Variants in NOC3L observed in about 807,000 individuals in gnomAD.
NOC3L encodes the protein NOC3 like DNA replication regulator, also known as nucleolar complex protein 3 homolog.
A neutral mutation model predicts 102.5 loss-of-function variants in NOC3L; 85 were observed. The observed-to-expected ratio is 0.83, with a 90% CI of 0.70 to 0.99. The LOEUF (loss-of-function observed/expected upper bound fraction) is 0.99. Ranked by LOEUF, NOC3L falls within the 50% of genes least tolerant of loss-of-function variation. The pLI, the probability that NOC3L is intolerant of heterozygous loss-of-function variation, is 0.00. For missense variants in NOC3L, 878 were observed against 914.9 expected, an observed-to-expected ratio of 0.96 and a Z score of 0.52; for synonymous variants, 303 against 309.4, an observed-to-expected ratio of 0.98 and a Z score of 0.22.
chr10:94,328,183 C>T, the NOC3L span: 2 of 297,154 alleles, frequency 6.7e-6, no homozygotes, highest in Non-Finnish European at 1.4e-5. Flanking sequence ...TAAATGTCAG[C>T]AGTTGGAAAA....
At chr10:94,342,602 A>G (rs1435356803) in intron 13 of NOC3L, among the ~76,000 whole-genome samples, 2 of 151,828 alleles carry the variant, frequency 1.3e-5, no homozygotes, top group African/African-American at 2.4e-5. Context: ...AAGTATTCCC[A>G]GTGCAAATAG....
At chr10:94,330,226 C>A (rs1171826088), downstream of NOC3L, 1 of 152,218 alleles carries the variant, frequency 6.6e-6, no homozygotes, top group Non-Finnish European at 1.5e-5. Context: ...CAACATAAAT[C>A]TGAGACTGAA....
intron 2 of NOC3L, among the ~76,000 whole-genome samples, chr10:94,359,775 C>T (rs2054531606): frequency 6.6e-6 from 1 of 152,070 alleles, no homozygotes; most frequent in African/African-American, 2.4e-5. Flanking sequence ...AGGGAACTCT[C>T]ATACACTCTT....
At chr10:94,344,632 G>T in intron 12 of NOC3L, 117 bp from the exon 13 acceptor site, 1 of 718,790 alleles carries the variant, frequency 1.4e-6, no homozygotes, top group East Asian at 2.7e-5. Context: ...TCCCCACAAT[G>T]CAATCTTTGA....
rs1305310718 is a variant in NOC3L at position 94,338,641 on chromosome 10, C to T, written c.2058G>A (p.Gln686=). Residue 686 remains glutamine, a synonymous_variant, in exon 18 of 21, where the codon CAG becomes CAA. Coordinates refer to ENST00000371361, the MANE Select transcript of NOC3L (RefSeq NM_022451.11). ...ELDEPEYCNA[Q]NTALWELHAL... Reference sequence around the variant, plus strand: ...CATGCAGTTCCCACAGAGCAGTGTTCTGAGCATTGCAGTACTCAGGCTCAT... The same window carrying T: ...CATGCAGTTCCCACAGAGCAGTGTTTTGAGCATTGCAGTACTCAGGCTCAT... The T allele has an allele frequency of 8.7e-6, 14 of 1,608,522 alleles. No homozygotes were observed. Among genetic ancestry groups the T allele is most frequent in the Admixed American group, 1.7e-5 (1 of 59,838 alleles).
intron 5 of NOC3L, 83 bp downstream of exon 5, chr10:94,356,452 G>T: frequency 3.6e-6 from 3 of 840,144 alleles, no homozygotes; most frequent in Non-Finnish European, 6.0e-6. Context: ...GTACCTTCCA[G>T]ATTTCATCTA....
the NOC3L span, chr10:94,316,567 C>T: frequency 1.2e-6 from 2 of 1,607,164 alleles, no homozygotes; most frequent in Middle Eastern, 2.1e-4. Flanking sequence ...ATGAACAAGA[C>T]ATCAAACCTG....
rs2054565556 is a variant in NOC3L, at chr10:94,362,681, T to C, written c.9+149A>G. 12 of 787,698 alleles carry C rather than the reference T, an allele frequency of 1.5e-5. No individual in the cohort carries two copies. In the East Asian group the frequency reaches 3.0e-4, roughly 20 times the overall value. The allele number at this position is 787,698 out of a possible 1,614,324, so 48.8% of individuals were successfully genotyped here. On this transcript the variant is annotated intron_variant, in intron 1 of 20. Coordinates refer to ENST00000371361, the MANE Select transcript of NOC3L (RefSeq NM_022451.11). Reference sequence around the variant, plus strand: ...CGCGCACACAGTGGGTAACCAAGGATGAGCTCGGTGTAAGGAATGGAAAGC... The same window carrying C: ...CGCGCACACAGTGGGTAACCAAGGACGAGCTCGGTGTAAGGAATGGAAAGC...
the NOC3L span, among the ~76,000 whole-genome samples, chr10:94,325,881 CCTT>C: frequency 1.3e-5 from 2 of 152,110 alleles, no homozygotes; most frequent in Admixed American, 6.5e-5. Context: ...AACCTCATCT[CCTT>C]CTGCCTCAAT....
intron 11 of NOC3L, among the ~76,000 whole-genome samples, 167 bp from the exon 12 acceptor site, chr10:94,345,100 C>G (rs1232794666): frequency 6.6e-6 from 1 of 151,856 alleles, no homozygotes; most frequent in Non-Finnish European, 1.5e-5. Context: ...ATATACAAAC[C>G]AAATTAAAGA....
rs1199503467 is a variant in NOC3L at position 94,334,301 on chromosome 10, T to G, written c.2279A>C (p.Lys760Thr). The G allele has an allele frequency of 2.5e-6, 4 of 1,585,268 alleles. No individual in the cohort carries two copies. The highest frequency in any genetic ancestry group is 2.2e-5 in the East Asian group (1 of 44,720). Residue 760 changes from lysine (K) to threonine (T), a missense_variant, in exon 21 of 21, where the codon AAA (lysine) becomes ACA (threonine). Physicochemically the swap from Lys to Thr is moderately conservative, Grantham distance 78. Coordinates refer to ENST00000371361, the MANE Select transcript of NOC3L (RefSeq NM_022451.11). The stretch of plus-strand genomic sequence containing the variant: ...CAAAAATGAATCCCCTTGTAAAAAT[T>G]TACCCTAGGAAAATATTTAAAGTAT... ...VESSNPKIKG[K>T]FLQGDSFLNE... is the part of the protein sequence containing the mutation.
At chr10:94,328,173 T>C in the NOC3L span, 6 of 294,772 alleles carry the variant, frequency 2.0e-5, no homozygotes, top group African/African-American at 1.3e-4. Context: ...TGCCATTTTA[T>C]AAATGTCAGC....
chr10:94,346,885 C>A (rs558760315), intron 10 of NOC3L, among the ~76,000 whole-genome samples: 1 of 152,188 alleles, frequency 6.6e-6, no homozygotes, highest in South Asian at 2.1e-4. Context: ...AAGGTTTGGA[C>A]CAGTATGGGA....
chr10:94,334,656 T>G lies in NOC3L; in HGVS notation c.2252A>C (p.Glu751Ala). ...MAEMTFNPPVESSNPKIKGKF... is the reference protein window; with the variant it reads ...MAEMTFNPPVASSNPKIKGKF... The stretch of plus-strand genomic sequence containing the variant: ...TACCTTTATTTTGGGGTTTGAAGAT[T>G]CAACAGGAGGATTGAATGTCATTTC... Residue 751 changes from glutamate to alanine, a missense_variant, in exon 20 of 21, where the codon GAA (glutamate) becomes GCA (alanine). Glu to Ala is a moderately radical substitution (Grantham distance 107, BLOSUM62 -1). Coordinates refer to ENST00000371361, the MANE Select transcript of NOC3L (RefSeq NM_022451.11). 1 of 1,612,916 alleles carries G rather than the reference T, an allele frequency of 6.2e-7. No individual in the cohort carries two copies. Among genetic ancestry groups the G allele is most frequent in the Non-Finnish European group, 8.5e-7 (1 of 1,179,622 alleles).
At chr10:94,339,715 C>A (rs760726757) in intron 17 of NOC3L, 24 bp downstream of exon 17, 7 of 1,586,766 alleles carry the variant, frequency 4.4e-6, no homozygotes, top group South Asian at 1.1e-5. Flanking sequence ...GAACTTAGCT[C>A]TGTTCATTTG....
chr10:94,361,355 C>A, intron 2 of NOC3L: 1 of 316,958 alleles, frequency 3.2e-6, no homozygotes, highest in South Asian at 5.3e-5. Flanking sequence ...AGTGGCAGCA[C>A]TGGCACACTG....
At chr10:94,327,272 A>G in the NOC3L span, among the ~76,000 whole-genome samples, 4 of 151,938 alleles carry the variant, frequency 2.6e-5, no homozygotes, top group Non-Finnish European at 5.9e-5. Flanking sequence ...GCACTTGTAA[A>G]AGAAAAGAAG....
At chr10:94,352,681 G>A (rs1470299160) in intron 7 of NOC3L, among the ~76,000 whole-genome samples, 1 of 152,100 alleles carries the variant, frequency 6.6e-6, no homozygotes, top group Admixed American at 6.6e-5. Context: ...AATTAGCTGG[G>A]CCTGGTGGCG....
rs779787541 is a variant in NOC3L at position 94,362,885 on chromosome 10, G to C, written c.-47C>G. 5.6e-6 allele frequency: 9 copies of C among 1,613,802 alleles called. No homozygotes were observed. The South Asian group carries it at 8.8e-5, about 16-fold the overall frequency. ...CGGCCAGACAAGTTCACCAGAAGCA[G>C]GGTTACTACAGAAATCCCGGGGAAT... is the stretch of plus-strand genomic sequence containing the variant. On this transcript the variant is annotated 5_prime_UTR_variant, in exon 1 of 21. Coordinates refer to ENST00000371361, the MANE Select transcript of NOC3L (RefSeq NM_022451.11).
Sources: gnomAD v4.1 joint callset for allele counts (sites outside exome capture counted in the v4.1 genomes callset) on GRCh38, gnomAD v4.1.1 for gene constraint, MANE v1.5 for transcripts, NCBI Gene and HGNC (gene_info 2026-07-23, HGNC 2026-07-21) for gene names.